Variants in CBFA2T3 observed in about 807,000 individuals in gnomAD.
The protein encoded by CBFA2T3 is transcriptional corepressor CBFA2T3.
A neutral mutation model predicts 58.6 loss-of-function variants in CBFA2T3; 31 were observed. That is an observed-to-expected ratio of 0.53 (90% CI 0.40 to 0.71). CBFA2T3 has a LOEUF of 0.71. Ranked by LOEUF, CBFA2T3 falls within the 30% of genes least tolerant of loss-of-function variation. The pLI is 0.00. For synonymous variants in CBFA2T3, 531 were observed against 421.9 expected (o/e 1.26, Z -3.17); for missense variants, 1,076 against 963.1 (o/e 1.12, Z -1.55).
chr16:88,903,411 A>G (rs1335836860), intron 1 of CBFA2T3, among the ~76,000 whole-genome samples: 1 of 152,038 alleles, frequency 6.6e-6, no homozygotes, highest in South Asian at 2.1e-4. Flanking sequence ...GGGAGGAAGC[A>G]GCCAGTAAAC....
intron 1 of CBFA2T3, among the ~76,000 whole-genome samples, chr16:88,964,607 A>G (rs1050276167): frequency 1.3e-5 from 2 of 152,186 alleles, no homozygotes; most frequent in Admixed American, 6.5e-5. Flanking sequence ...CTCATCGCGG[A>G]ATAATACACC....
Position 88,901,634 on chromosome 16 carries a change from CT to C in CBFA2T3, c.173del (p.Lys58ArgfsTer12). ...CTGGGGAGTCCGGCATCGCTGAGGC[CT>C]TAGCTTTCCTGTCCACTGGGGCTGC... Reference protein sequence around the residue: ...GGPAPVDRKAKASAMPDSPAE... With the variant: ...GGPAPVDRKAXASAMPDSPAE... On this transcript the variant is annotated frameshift_variant, in exon 2 of 12. Coordinates refer to ENST00000268679, the MANE Select transcript of CBFA2T3 (RefSeq NM_005187.6). LOFTEE classifies it high-confidence loss of function. 6.5e-7 allele frequency: 1 copy of C among 1,532,028 alleles called. No homozygotes were observed. The allele number at this position is 1,532,028 out of a possible 1,614,324, so 94.9% of individuals were successfully genotyped here.
rs565763077 is a variant in CBFA2T3 at position 88,889,978 on chromosome 16, G to A, written c.711+1904C>T. Among the ~76,000 whole-genome samples, 7 of 143,560 alleles carry A rather than the reference G, an allele frequency of 4.9e-5. 1 individual carries two copies. Among genetic ancestry groups the A allele is most frequent in the African/African-American group, 8.1e-5 (3 of 37,246 alleles). The allele number at this position is 143,560 out of a possible 152,430, so 94.2% of individuals were successfully genotyped here. On this transcript the variant is annotated intron_variant, in intron 5 of 11. Transcript: ENST00000268679. ...CCTCCTCCTCCAGGGACGACGCCCCGTGATTCCTCCTCCTCCAGGGGACGT... is the reference window on the plus strand; with the variant it reads ...CCTCCTCCTCCAGGGACGACGCCCCATGATTCCTCCTCCTCCAGGGGACGT...
intron 1 of CBFA2T3, among the ~76,000 whole-genome samples, chr16:88,972,541 G>T (rs948985310): frequency 4.6e-5 from 7 of 152,208 alleles, no homozygotes; most frequent in Non-Finnish European, 4.4e-5. Context: ...TTGCGATGCT[G>T]CTGGCTTTCT....
At chr16:88,880,613 G>T in intron 10 of CBFA2T3, 107 bp downstream of exon 10, 1 of 919,912 alleles carries the variant, frequency 1.1e-6, no homozygotes, top group Non-Finnish European at 1.7e-6. Flanking sequence ...TGTAGCCTGA[G>T]CCCCCAGAGA....
intron 1 of CBFA2T3, among the ~76,000 whole-genome samples, chr16:88,924,548 C>T (rs12447797): frequency 0.081 from 12,367 of 152,116 alleles, 620 homozygotes; most frequent in East Asian, 0.22. Context: ...GCGGGGGCCA[C>T]CAGGGCAGCT....
chr16:88,908,978 C>T lies in CBFA2T3; in HGVS notation c.152-7322G>A, dbSNP rs79635913. Among the ~76,000 whole-genome samples the T allele has an allele frequency of 6.9e-4, 105 of 152,100 alleles. No homozygotes were observed. The East Asian group carries it at 0.019, about 28-fold the overall frequency. On this transcript the variant is annotated intron_variant, in intron 1 of 11. Coordinates refer to ENST00000268679, the MANE Select transcript of CBFA2T3 (RefSeq NM_005187.6). ...GGCCCTGGGCACCTGGCTCTGGATC[C>T]GATCCTCTCCGTGGGTTTGGAATAT...
Position 88,898,133 on chromosome 16 carries a change from C to A in CBFA2T3, c.324G>T (p.Ala108=). ...CATGAAAACGGCCGTGGGGCAGCGT[C>A]GCAGGCCCGTCCTCTCGATCTGTAA... ...TPHTHREDGP[A]TLPHGRFHGC... Residue 108 remains alanine (A), a synonymous_variant, in exon 3 of 12, where the codon GCG becomes GCT. Coordinates refer to ENST00000268679, the MANE Select transcript of CBFA2T3 (RefSeq NM_005187.6). The A allele has an allele frequency of 6.2e-7, 1 of 1,612,964 alleles. No individual in the cohort carries two copies. The highest frequency in any genetic ancestry group is 8.5e-7 in the Non-Finnish European group (1 of 1,179,634).
intron 1 of CBFA2T3, among the ~76,000 whole-genome samples, chr16:88,905,915 C>T (rs538215428): frequency 2.7e-5 from 4 of 149,016 alleles, no homozygotes; most frequent in South Asian, 2.1e-4. Context: ...ATTTCCTTGG[C>T]GCTGGCTGGG....
Position 88,885,661 on chromosome 16 carries a change from A to C in CBFA2T3, c.893+300T>G, listed in dbSNP as rs79771118. The stretch of plus-strand genomic sequence containing the variant: ...GGCCCAGCCCAGGCACCTGGGGACC[A>C]TGGACCCCGGACGCTCGGAGTCCAT... On this transcript the variant is annotated intron_variant, in intron 6 of 11. Coordinates refer to ENST00000268679, the MANE Select transcript of CBFA2T3 (RefSeq NM_005187.6). The surrounding 1 kb of genome is among the most constrained non-coding windows in gnomAD (Gnocchi z 5.3). 8,530 of 441,338 alleles carry C rather than the reference A, an allele frequency of 0.019. 108 individuals carry two copies. The highest frequency in any genetic ancestry group is 0.028 in the African/African-American group (1,396 of 48,994). 27.3% of individuals were successfully genotyped at this position (441,338 alleles called of 1,614,324 possible). A position where few individuals can be genotyped will look rare whatever the true frequency, so the allele number is the denominator to read the frequency against.
chr16:88,957,586 C>G (rs1363203121), intron 1 of CBFA2T3: 2 of 152,292 alleles, frequency 1.3e-5, no homozygotes, highest in Non-Finnish European at 2.9e-5. Flanking sequence ...GGGTCAGTGG[C>G]TCACCTGAGA....
At chr16:88,975,022 C>T (rs1972763894) in intron 1 of CBFA2T3, among the ~76,000 whole-genome samples, 1 of 144,658 alleles carries the variant, frequency 6.9e-6, no homozygotes, top group African/African-American at 2.6e-5. Context: ...ACCCCGCACC[C>T]AAGTGAGACC....
chr16:88,947,704 A>G lies in CBFA2T3; in HGVS notation c.151+28953T>C, dbSNP rs537876611. ...CAAGGAAGTAGTATCGCTTGAGCCC[A>G]GGAGTTCAAGACCAGCCTGGGCAAC... On this transcript the variant is annotated intron_variant, in intron 1 of 11. Transcript: ENST00000268679. Among the ~76,000 whole-genome samples the G allele has an allele frequency of 2.0e-5, 3 of 152,332 alleles. No homozygotes were observed. The South Asian group carries it at 6.2e-4, about 32-fold the overall frequency.
intron 1 of CBFA2T3, among the ~76,000 whole-genome samples, chr16:88,905,083 G>C (rs1597704212): frequency 6.6e-6 from 1 of 152,048 alleles, no homozygotes; most frequent in South Asian, 2.1e-4. Flanking sequence ...GTGGCCAAGA[G>C]AACAGCCTAG....
At chr16:88,975,147 G>A (rs4782491) in intron 1 of CBFA2T3, among the ~76,000 whole-genome samples, 32,013 of 82,888 alleles carry the variant, frequency 0.39, 4,900 homozygotes, top group African/African-American at 0.52. Context: ...CTGCAGCCAT[G>A]TCAGAGGTCC....
intron 1 of CBFA2T3, among the ~76,000 whole-genome samples, chr16:88,916,097 T>C (rs1432998484): frequency 1.3e-5 from 2 of 152,002 alleles, no homozygotes; most frequent in Admixed American, 6.5e-5. Flanking sequence ...TTCATGTGTG[T>C]GCATGGGTGT....
At chr16:88,974,235 T>G (rs897198222) in intron 1 of CBFA2T3, among the ~76,000 whole-genome samples, 1 of 152,116 alleles carries the variant, frequency 6.6e-6, no homozygotes, top group African/African-American at 2.4e-5. Flanking sequence ...GACAAGGCGG[T>G]GAGAGCCTGC....
chr16:88,962,905 G>A lies in CBFA2T3; in HGVS notation c.151+13752C>T, dbSNP rs549106362. ...GAAGGGAGCTGGGCAACCCCACCCC[G>A]CGTGTCTGAAAACTTCCACTTGCTT... On this transcript the variant is annotated intron_variant, in intron 1 of 11. Coordinates refer to ENST00000268679, the MANE Select transcript of CBFA2T3 (RefSeq NM_005187.6). Among the ~76,000 whole-genome samples the A allele has an allele frequency of 2.3e-4, 35 of 152,258 alleles. No individual in the cohort carries two copies. In the East Asian group the frequency reaches 4.6e-3, roughly 20 times the overall value.
chr16:88,968,581 C>A (rs1423974368), intron 1 of CBFA2T3, among the ~76,000 whole-genome samples: 1 of 152,202 alleles, frequency 6.6e-6, no homozygotes, highest in Admixed American at 6.5e-5. Flanking sequence ...AACACGTGGT[C>A]CCAACCCTTG....
Sources: allele counts gnomAD v4.1 joint callset (sites outside exome capture counted in the v4.1 genomes callset), GRCh38; gene constraint gnomAD v4.1.1; non-coding constraint Gnocchi (gnomAD v3.1); transcripts MANE v1.5; gene names NCBI Gene and HGNC (gene_info 2026-07-23, HGNC 2026-07-21).